GRIK2: variants seen among roughly 807,000 people sequenced by gnomAD.
The protein encoded by GRIK2 is glutamate receptor ionotropic, kainate 2.
Under a neutral mutation model 100.3 loss-of-function variants are expected in GRIK2, and 32 were observed. That is an observed-to-expected ratio of 0.32 (90% CI 0.24 to 0.43). GRIK2 has a LOEUF of 0.43. GRIK2 is among the 20% of genes least tolerant of loss of function. GRIK2 has a pLI of 1.00. For missense variants in GRIK2, 843 were observed against 1,114.9 expected, an observed-to-expected ratio of 0.76 and a Z score of 3.47; for synonymous variants, 417 against 389.4, an observed-to-expected ratio of 1.07 and a Z score of -0.83.
At chr6:101,427,314 A>C (rs891861359) in intron 2 of GRIK2, among the ~76,000 whole-genome samples, 1 of 152,198 alleles carries the variant, frequency 6.6e-6, no homozygotes, top group African/African-American at 2.4e-5. Context: ...TGCCATCCCC[A>C]TTCTCATTGC....
At chr6:101,696,686 C>T (rs933627550) in intron 7 of GRIK2, among the ~76,000 whole-genome samples, 1 of 151,752 alleles carries the variant, frequency 6.6e-6, no homozygotes, top group East Asian at 1.9e-4. Context: ...GCCTTATTAA[C>T]TCAAGACATC....
chr6:101,748,798 A>G (rs543411630), intron 7 of GRIK2, among the ~76,000 whole-genome samples: 1 of 148,668 alleles, frequency 6.7e-6, no homozygotes, highest in East Asian at 2.0e-4. Context: ...CTGATTCATT[A>G]TACATGTTAC....
At chr6:101,706,884 G>T (rs1773342636) in intron 7 of GRIK2, among the ~76,000 whole-genome samples, 1 of 151,894 alleles carries the variant, frequency 6.6e-6, no homozygotes. Flanking sequence ...CTGTCCTTCA[G>T]TTATGTTCCT....
At chr6:101,653,210 C>T (rs1781890412) in intron 4 of GRIK2, among the ~76,000 whole-genome samples, 1 of 152,082 alleles carries the variant, frequency 6.6e-6, no homozygotes, top group South Asian at 2.1e-4. Flanking sequence ...TTGCCCCAGG[C>T]AGCTCTCACT....
chr6:101,505,089 CATT>C (rs539593229), intron 2 of GRIK2, among the ~76,000 whole-genome samples: 6 of 149,062 alleles, frequency 4.0e-5, no homozygotes, highest in Non-Finnish European at 8.9e-5. Context: ...TTTTACTTGT[CATT>C]AAGTTTAAAA....
chr6:101,559,790 A>G (rs9485509), intron 2 of GRIK2, among the ~76,000 whole-genome samples: 1 of 151,862 alleles, frequency 6.6e-6, no homozygotes, highest in African/African-American at 2.4e-5. Flanking sequence ...ACCCCCACAC[A>G]TCCATATGCT....
Position 101,626,385 on chromosome 6 carries a change from G to T in GRIK2, c.289G>T (p.Asp97Tyr). The T allele has an allele frequency of 6.2e-7, 1 of 1,611,552 alleles. No homozygotes were observed. Among genetic ancestry groups the T allele is most frequent in the Non-Finnish European group, 8.5e-7 (1 of 1,179,038 alleles). Residue 97 changes from aspartate (D) to tyrosine (Y), a missense_variant, in exon 4 of 17, where the codon GAT (aspartate) becomes TAT (tyrosine). Physicochemically the swap from Asp to Tyr is radical, Grantham distance 160. Transcript: ENST00000369134. ...GACCTTTATCTCCTCTTCAGCCTGTGATCAGCTGTCTCTTGGGGTGGCTGC... is the reference window on the plus strand; with the variant it reads ...GACCTTTATCTCCTCTTCAGCCTGTTATCAGCTGTCTCTTGGGGTGGCTGC... ...DSFEASKKAC[D>Y]QLSLGVAAIF...
At position 101,889,869 on chromosome 6, in the gene GRIK2, A is replaced by T; in HGVS notation, c.1748+6A>T. On this transcript the variant is annotated splice_donor_region_variant and intron_variant, in intron 12 of 16. Transcript: ENST00000369134. ...GTGCTCTTTGTCATAGCCAGGTAACATGCTCACTTTTGTGATTTTTTTGGC... is the reference window on the plus strand; with the variant it reads ...GTGCTCTTTGTCATAGCCAGGTAACTTGCTCACTTTTGTGATTTTTTTGGC... The T allele has an allele frequency of 6.4e-7, 1 of 1,571,506 alleles. No individual in the cohort carries two copies. Among genetic ancestry groups the T allele is most frequent in the East Asian group, 2.2e-5 (1 of 44,612 alleles).
intron 14 of GRIK2, among the ~76,000 whole-genome samples, chr6:101,992,423 C>G (rs995632387): frequency 3.8e-4 from 58 of 151,588 alleles, no homozygotes; most frequent in African/African-American, 1.2e-3. Flanking sequence ...CAGTTTTCAG[C>G]GAATTCATAC....
intron 7 of GRIK2, among the ~76,000 whole-genome samples, chr6:101,765,889 T>C (rs59749324): frequency 0.025 from 3,860 of 152,244 alleles, 109 homozygotes; most frequent in African/African-American, 0.067. Context: ...CTACTTAAAC[T>C]TAATTTCTCC....
chr6:101,554,076 G>A (rs185351447), intron 2 of GRIK2, among the ~76,000 whole-genome samples: 63 of 152,284 alleles, frequency 4.1e-4, no homozygotes, highest in Non-Finnish European at 4.1e-4. Flanking sequence ...ACCAGAATTT[G>A]AGCTGTGTAT....
At chr6:101,935,762 G>A (rs1055440383) in intron 14 of GRIK2, among the ~76,000 whole-genome samples, 5 of 151,830 alleles carry the variant, frequency 3.3e-5, no homozygotes, top group South Asian at 2.1e-4. Flanking sequence ...GAAAAAAAGC[G>A]CTATTTTAAC....
chr6:101,869,139 A>T (rs1785232372), intron 11 of GRIK2, among the ~76,000 whole-genome samples: 1 of 151,890 alleles, frequency 6.6e-6, no homozygotes, highest in Non-Finnish European at 1.5e-5. Context: ...TACCTGAGGG[A>T]TGTTATCTTA....
intron 9 of GRIK2, among the ~76,000 whole-genome samples, chr6:101,811,580 T>G (rs1781325490): frequency 6.6e-6 from 1 of 151,984 alleles, no homozygotes; most frequent in Non-Finnish European, 1.5e-5. Flanking sequence ...GAATGTTTAT[T>G]TTGTTCCTAC....
At chr6:101,630,280 A>G (rs1390884465) in intron 4 of GRIK2, among the ~76,000 whole-genome samples, 1 of 152,068 alleles carries the variant, frequency 6.6e-6, no homozygotes, top group East Asian at 1.9e-4. Flanking sequence ...GCTCTTTGAA[A>G]AATCTCCAAA....
At chr6:101,987,729 T>C (rs1346753813) in intron 14 of GRIK2, among the ~76,000 whole-genome samples, 1 of 151,182 alleles carries the variant, frequency 6.6e-6, no homozygotes, top group Admixed American at 6.6e-5. Flanking sequence ...AATATCTTCA[T>C]TTTTTAAACT....
At chr6:101,465,969 A>G (rs1210309919) in intron 2 of GRIK2, among the ~76,000 whole-genome samples, 1 of 152,224 alleles carries the variant, frequency 6.6e-6, no homozygotes, top group African/African-American at 2.4e-5. Context: ...GTCTTCCCAC[A>G]TGAGCTGAAA....
At chr6:101,955,576 T>TTCTCTCTCCCTCTCTCTCTCTCTCTC (rs1791867975) in intron 14 of GRIK2, among the ~76,000 whole-genome samples, 1 of 116,288 alleles carries the variant, frequency 8.6e-6, no homozygotes, top group Non-Finnish European at 1.7e-5. Flanking sequence ...GAGCAAGGCC[T>TTCTCTCTCCCTCTCTCTCTCTCTCTC]TCTCTCTCTC....
At chr6:101,973,332 T>A (rs1234990184) in intron 14 of GRIK2, among the ~76,000 whole-genome samples, 1 of 151,886 alleles carries the variant, frequency 6.6e-6, no homozygotes, top group African/African-American at 2.4e-5. Flanking sequence ...AATAACTCCT[T>A]AATAAATGAC....
Sources: allele counts gnomAD v4.1 joint callset (sites outside exome capture counted in the v4.1 genomes callset), GRCh38; gene constraint gnomAD v4.1.1; transcripts MANE v1.5; gene names NCBI Gene and HGNC (gene_info 2026-07-23, HGNC 2026-07-21).